Variants in SLC25A21 observed in about 807,000 individuals in gnomAD.
The protein encoded by SLC25A21 is solute carrier family 25 member 21, also known as mitochondrial 2-oxodicarboxylate carrier.
SLC25A21 carries 47 observed loss-of-function variants against 43.8 expected under a neutral mutation model. The observed-to-expected ratio is 1.07, with a 90% CI of 0.85 to 1.37. SLC25A21 has a LOEUF of 1.37. Ranked by LOEUF, SLC25A21 falls within the 40% of genes most tolerant of loss-of-function variation. SLC25A21 has a pLI of 0.00. For missense variants in SLC25A21, 352 were observed against 350.2 expected (o/e 1.00, Z -0.04); for synonymous variants, 131 against 121.3 (o/e 1.08, Z -0.52).
intron 1 of SLC25A21, among the ~76,000 whole-genome samples, chr14:37,158,007 C>T (rs979563187): frequency 7.9e-5 from 12 of 152,140 alleles, no homozygotes; most frequent in Non-Finnish European, 1.0e-4. Flanking sequence ...TTCCTGTAAA[C>T]ATACAACCTA....
intron 3 of SLC25A21, among the ~76,000 whole-genome samples, chr14:36,783,549 G>A (rs971244733): frequency 1.3e-5 from 2 of 152,184 alleles, no homozygotes; most frequent in Admixed American, 1.3e-4. Context: ...CACATAGCTG[G>A]GAGAGCCAGG....
chr14:36,741,589 T>A (rs1338335104), intron 3 of SLC25A21, among the ~76,000 whole-genome samples: 1 of 152,166 alleles, frequency 6.6e-6, no homozygotes, highest in Non-Finnish European at 1.5e-5. Flanking sequence ...ACCATCACAC[T>A]GGGAAAGCCA....
At chr14:37,019,313 G>A (rs1045657196) in intron 1 of SLC25A21, among the ~76,000 whole-genome samples, 1 of 151,614 alleles carries the variant, frequency 6.6e-6, no homozygotes, top group Non-Finnish European at 1.5e-5. Flanking sequence ...TGCCCTCTAG[G>A]CCTTATACGG....
intron 2 of SLC25A21, among the ~76,000 whole-genome samples, chr14:36,846,573 G>C (rs957584248): frequency 1.3e-5 from 2 of 151,988 alleles, no homozygotes; most frequent in East Asian, 1.9e-4. Context: ...GTAGAGACAG[G>C]GTTCCACCAT....
At chr14:37,081,542 G>C (rs1176652269) in intron 1 of SLC25A21, among the ~76,000 whole-genome samples, 1 of 152,136 alleles carries the variant, frequency 6.6e-6, no homozygotes, top group African/African-American at 2.4e-5. Context: ...TATCAAACAG[G>C]AATTTCTGAT....
chr14:37,058,811 G>A (rs1012834684), intron 1 of SLC25A21, among the ~76,000 whole-genome samples: 2 of 152,116 alleles, frequency 1.3e-5, no homozygotes, highest in Non-Finnish European at 2.9e-5. Context: ...TTCCACTCAG[G>A]AATGTACAAA....
chr14:36,755,444 A>C (rs1012863418), intron 3 of SLC25A21, among the ~76,000 whole-genome samples: 1 of 152,146 alleles, frequency 6.6e-6, no homozygotes, highest in African/African-American at 2.4e-5. Context: ...TTTTTCCTTC[A>C]TCCCTGTCAG....
chr14:36,851,319 C>G (rs1360886701), intron 2 of SLC25A21, among the ~76,000 whole-genome samples: 4 of 152,128 alleles, frequency 2.6e-5, no homozygotes, highest in Non-Finnish European at 4.4e-5. Flanking sequence ...GAAACCTGCA[C>G]AGCTGGAGAC....
chr14:36,915,902 T>C (rs712397), intron 1 of SLC25A21, among the ~76,000 whole-genome samples: 90,080 of 151,946 alleles, frequency 0.59, 27,750 homozygotes, highest in Non-Finnish European at 0.64. Flanking sequence ...TGTAACCTAA[T>C]CAGCATCTCT....
In SLC25A21 at chr14:36,874,946, A is replaced by C; in HGVS notation, c.119+10T>G. 1 of 1,608,208 alleles carries C rather than the reference A, an allele frequency of 6.2e-7. No homozygotes were observed. Among genetic ancestry groups the C allele is most frequent in the Non-Finnish European group, 8.5e-7 (1 of 1,177,072 alleles). ...CAAAGTCAATAAAACTTGTTCATGC[A>C]GAACCTTACCTGGTTTTCACCACAT... On this transcript the variant is annotated intron_variant, in intron 2 of 9. Coordinates refer to ENST00000331299, the MANE Select transcript of SLC25A21 (RefSeq NM_030631.4).
At chr14:37,122,977 A>C (rs1963235673) in intron 1 of SLC25A21, among the ~76,000 whole-genome samples, 1 of 152,228 alleles carries the variant, frequency 6.6e-6, no homozygotes, top group Non-Finnish European at 1.5e-5. Flanking sequence ...CCAATATCAA[A>C]TAGATACTTG....
chr14:36,701,432 C>A (rs1325228396), intron 7 of SLC25A21, among the ~76,000 whole-genome samples: 9 of 152,142 alleles, frequency 5.9e-5, no homozygotes, highest in Non-Finnish European at 1.3e-4. Flanking sequence ...GGAATGAAAT[C>A]AAAGTCTTGT....
chr14:36,820,715 T>C (rs181074592), intron 2 of SLC25A21, among the ~76,000 whole-genome samples: 1 of 152,326 alleles, frequency 6.6e-6, no homozygotes, highest in Non-Finnish European at 1.5e-5. Context: ...TTTTGTATTC[T>C]AAAGCCCCCA....
intron 1 of SLC25A21, among the ~76,000 whole-genome samples, chr14:37,071,383 T>C (rs1468494109): frequency 3.3e-5 from 5 of 152,188 alleles, no homozygotes; most frequent in Non-Finnish European, 5.9e-5. Flanking sequence ...CTCTTTTTTA[T>C]GCAAACTCAA....
rs181303859 is a variant in SLC25A21 at position 36,881,652 on chromosome 14, T to C, written c.71-6648A>G. Reference sequence around the variant, plus strand: ...AGACAATAGTGAGTGTGTAACTACATAGACGGACTGATTGATTGTGGAACA... The same window carrying C: ...AGACAATAGTGAGTGTGTAACTACACAGACGGACTGATTGATTGTGGAACA... On this transcript the variant is annotated intron_variant, in intron 1 of 9. Coordinates refer to ENST00000331299, the MANE Select transcript of SLC25A21 (RefSeq NM_030631.4). Among the ~76,000 whole-genome samples the C allele has an allele frequency of 1.4e-3, 217 of 152,306 alleles. 1 individual carries two copies. The highest frequency in any genetic ancestry group is 5.1e-3 in the African/African-American group (211 of 41,572).
At chr14:37,146,240 G>T (rs1354698774) in intron 1 of SLC25A21, among the ~76,000 whole-genome samples, 1 of 152,018 alleles carries the variant, frequency 6.6e-6, no homozygotes, top group African/African-American at 2.4e-5. Flanking sequence ...TAGGCACTAG[G>T]GATACACCAG....
At chr14:36,757,965 G>A (rs1885997330) in intron 3 of SLC25A21, among the ~76,000 whole-genome samples, 1 of 152,232 alleles carries the variant, frequency 6.6e-6, no homozygotes, top group Non-Finnish European at 1.5e-5. Context: ...AGAGGTGAGG[G>A]CTGGGTGCCT....
At chr14:36,912,784 C>A (rs182396860) in intron 1 of SLC25A21, among the ~76,000 whole-genome samples, 3 of 152,278 alleles carry the variant, frequency 2.0e-5, no homozygotes, top group Admixed American at 1.3e-4. Flanking sequence ...CTTGGACTAA[C>A]CCAGTCAAGT....
chr14:36,698,011 A>G (rs939260433), intron 7 of SLC25A21, among the ~76,000 whole-genome samples: 2 of 152,156 alleles, frequency 1.3e-5, no homozygotes, highest in African/African-American at 2.4e-5. Context: ...CATAGCATCA[A>G]TGGTCTTTAC....
Sources: allele counts gnomAD v4.1 joint callset (sites outside exome capture counted in the v4.1 genomes callset), GRCh38; gene constraint gnomAD v4.1.1; transcripts MANE v1.5; gene names NCBI Gene and HGNC (gene_info 2026-07-23, HGNC 2026-07-21).